Variants in GPHN observed in about 807,000 individuals in gnomAD.
The protein encoded by GPHN is gephyrin.
Under a neutral mutation model 95.5 loss-of-function variants are expected in GPHN, and 17 were observed. The ratio of observed to expected loss-of-function variants is 0.18; its 90% CI spans 0.12 to 0.27. The LOEUF is 0.27. GPHN is among the 10% of genes least tolerant of loss of function. GPHN has a pLI of 1.00. For synonymous variants in GPHN, 320 were observed against 322.5 expected (o/e 0.99, Z 0.08); for missense variants, 660 against 978.1 (o/e 0.67, Z 4.34).
intron 10 of GPHN, among the ~76,000 whole-genome samples, chr14:67,046,694 T>C (rs2075036822): frequency 6.6e-6 from 1 of 152,192 alleles, no homozygotes; most frequent in Non-Finnish European, 1.5e-5. Flanking sequence ...TTGTCAGAAA[T>C]GCTTTGAGGC....
At chr14:67,326,332 G>A in the GPHN span, among the ~76,000 whole-genome samples, 1 of 132,188 alleles carries the variant, frequency 7.6e-6, no homozygotes, top group African/African-American at 2.8e-5. Context: ...CTGGAGTCAA[G>A]TGACCCTCCC....
chr14:66,968,688 G>A (rs186437211), intron 9 of GPHN, among the ~76,000 whole-genome samples: 4 of 152,058 alleles, frequency 2.6e-5, no homozygotes, highest in African/African-American at 9.7e-5. Flanking sequence ...TGAGTTTTGT[G>A]TCTATTATTT....
chr14:67,279,702 C>T, the GPHN span: 1 of 589,686 alleles, frequency 1.7e-6, no homozygotes, highest in Non-Finnish European at 2.7e-6. Context: ...CTATTGTTTA[C>T]TGTTACCAAC....
At chr14:67,555,896 G>C in the GPHN span, 2 of 1,613,234 alleles carry the variant, frequency 1.2e-6, no homozygotes, top group Non-Finnish European at 1.7e-6. Flanking sequence ...AGGTAACCAG[G>C]GGAGGGGATC....
intron 4 of GPHN, among the ~76,000 whole-genome samples, chr14:66,839,608 A>G (rs923199229): frequency 2.0e-5 from 3 of 152,210 alleles, no homozygotes; most frequent in African/African-American, 7.2e-5. Flanking sequence ...TTGTATAACT[A>G]TAATGGAGTC....
chr14:67,087,377 C>G (rs1431558325), intron 11 of GPHN, among the ~76,000 whole-genome samples: 1 of 152,156 alleles, frequency 6.6e-6, no homozygotes, highest in Non-Finnish European at 1.5e-5. Context: ...CCTGGACAAG[C>G]ACCACTGGGC....
At chr14:66,602,716 A>AAACT (rs1708425891) in intron 1 of GPHN, among the ~76,000 whole-genome samples, 1 of 151,916 alleles carries the variant, frequency 6.6e-6, no homozygotes, top group Non-Finnish European at 1.5e-5. Context: ...ATTCAAGGTC[A>AAACT]AAAGTACAAA....
the GPHN span, among the ~76,000 whole-genome samples, chr14:67,440,393 T>C: frequency 6.6e-6 from 1 of 152,012 alleles, no homozygotes; most frequent in Non-Finnish European, 1.5e-5. Context: ...GCTGTAAAAT[T>C]ACTGTCTCCC....
intron 9 of GPHN, among the ~76,000 whole-genome samples, chr14:67,010,019 A>G (rs1295083177): frequency 6.6e-6 from 1 of 151,836 alleles, no homozygotes; most frequent in Non-Finnish European, 1.5e-5. Context: ...TCGGCCTCCC[A>G]AAGTGCTGGG....
the GPHN span, among the ~76,000 whole-genome samples, chr14:67,687,467 C>CCTTTTTTTTTTTT: frequency 1.3e-5 from 1 of 79,696 alleles, no homozygotes. Flanking sequence ...CTCCATATTC[C>CCTTTTTTTTTTTT]TTTTTTTTTT....
At chr14:66,845,329 CA>C (rs1567012081) in intron 4 of GPHN, among the ~76,000 whole-genome samples, 2 of 151,836 alleles carry the variant, frequency 1.3e-5, no homozygotes, top group African/African-American at 4.8e-5. Context: ...TTAATAAGTC[CA>C]AGATATGATA....
the GPHN span, among the ~76,000 whole-genome samples, chr14:67,484,646 G>A: frequency 5.3e-5 from 8 of 152,190 alleles, no homozygotes; most frequent in East Asian, 5.8e-4. Context: ...TTCATAGGCC[G>A]GGCATGGGGG....
chr14:67,074,155 A>G (rs191287443), intron 11 of GPHN, among the ~76,000 whole-genome samples: 134 of 151,550 alleles, frequency 8.8e-4, no homozygotes, highest in Non-Finnish European at 1.6e-3. Context: ...TTATACATGC[A>G]TACCTCACTT....
At chr14:66,703,996 A>T (rs1340133592) in intron 2 of GPHN, among the ~76,000 whole-genome samples, 2 of 152,026 alleles carry the variant, frequency 1.3e-5, no homozygotes, top group Non-Finnish European at 2.9e-5. Flanking sequence ...AAAAAGAAAA[A>T]AAAAAGGGCA....
the GPHN span, among the ~76,000 whole-genome samples, chr14:67,530,380 C>G: frequency 2.0e-5 from 3 of 152,308 alleles, no homozygotes; most frequent in African/African-American, 7.2e-5. Flanking sequence ...TTAAACTGAG[C>G]TCTGGCCAGT....
chr14:67,568,265 T>A, the GPHN span, among the ~76,000 whole-genome samples: 1 of 152,090 alleles, frequency 6.6e-6, no homozygotes, highest in Non-Finnish European at 1.5e-5. Flanking sequence ...CGTGCAGCCA[T>A]AAACAGGAAT....
intron 10 of GPHN, among the ~76,000 whole-genome samples, chr14:67,035,328 C>T (rs2074369352): frequency 6.6e-6 from 1 of 151,358 alleles, no homozygotes; most frequent in Non-Finnish European, 1.5e-5. Context: ...CTTTTTACCT[C>T]AAGGAATGAG....
the GPHN span, among the ~76,000 whole-genome samples, chr14:67,346,972 A>G: frequency 6.6e-6 from 1 of 152,188 alleles, no homozygotes; most frequent in Admixed American, 6.5e-5. Context: ...ATAATGTTTT[A>G]TGACTTCCTA....
the GPHN span, chr14:67,227,673 A>G: frequency 6.6e-6 from 1 of 152,306 alleles, no homozygotes; most frequent in South Asian, 2.1e-4. Context: ...TGTAGGTCTT[A>G]TGACCAAATC....
Sources: gnomAD v4.1 joint callset for allele counts (sites outside exome capture counted in the v4.1 genomes callset) on GRCh38, gnomAD v4.1.1 for gene constraint, MANE v1.5 for transcripts, NCBI Gene and HGNC (gene_info 2026-07-23, HGNC 2026-07-21) for gene names.